The following CDH2 variants were observed in gnomAD, a reference collection of about 807,000 sequenced individuals.
CDH2 encodes cadherin-2.
A neutral mutation model predicts 92.0 loss-of-function variants in CDH2; 17 were observed. The ratio of observed to expected loss-of-function variants is 0.18; its 90% CI spans 0.13 to 0.28. The LOEUF is 0.28. Ranked by LOEUF, CDH2 falls within the 10% of genes least tolerant of loss-of-function variation. The pLI is 1.00. For missense variants in CDH2, 862 were observed against 1,133.1 expected (o/e 0.76, Z 3.44); for synonymous variants, 419 against 415.9 (o/e 1.01, Z -0.09).
rs10540750 is a variant in CDH2 at position 28,165,709 on chromosome 18, CTTT to C, written c.60+11251_60+11253del. On this transcript the variant is annotated intron_variant, in intron 1 of 15. Transcript: ENST00000269141. ...CAAATCTGGCTTCAGAGTCCCCAAT[CTTT>C]TTTTTTTTTTCTTTTTTCTTTTTTT... Among the ~76,000 whole-genome samples the C allele has an allele frequency of 2.4e-3, 352 of 144,558 alleles. 3 individuals are homozygous for C. The highest frequency in any genetic ancestry group is 8.4e-3 in the African/African-American group (335 of 39,990). The allele number at this position is 144,558 out of a possible 152,430, so 94.8% of individuals were successfully genotyped here.
chr18:27,965,854 G>A (rs1040107474), intron 14 of CDH2, among the ~76,000 whole-genome samples: 1 of 151,798 alleles, frequency 6.6e-6, no homozygotes, highest in Non-Finnish European at 1.5e-5. Flanking sequence ...TGTGGTGGTG[G>A]GCGCCTGTAG....
intron 2 of CDH2, among the ~76,000 whole-genome samples, chr18:28,016,270 G>A (rs1345697136): frequency 6.6e-6 from 1 of 152,180 alleles, no homozygotes; most frequent in East Asian, 1.9e-4. Context: ...TTGGCTTCAT[G>A]AGAGTTAAGT....
At chr18:28,137,873 G>A (rs1277038534) in intron 2 of CDH2, among the ~76,000 whole-genome samples, 1 of 152,048 alleles carries the variant, frequency 6.6e-6, no homozygotes, top group Non-Finnish European at 1.5e-5. Flanking sequence ...TCATATATCT[G>A]CAGTAGGCCT....
intron 4 of CDH2, among the ~76,000 whole-genome samples, chr18:28,010,816 T>C (rs1287341377): frequency 6.6e-6 from 1 of 151,774 alleles, no homozygotes; most frequent in Non-Finnish European, 1.5e-5. Flanking sequence ...CGCCCAGCTA[T>C]TTTTTTCTGT....
intron 5 of CDH2, among the ~76,000 whole-genome samples, chr18:28,007,358 T>C (rs1322987110): frequency 6.6e-6 from 1 of 151,768 alleles, no homozygotes; most frequent in Non-Finnish European, 1.5e-5. Context: ...ATTTCATTCT[T>C]TCCAATGGCT....
intron 2 of CDH2, among the ~76,000 whole-genome samples, chr18:28,105,414 A>G (rs1292216153): frequency 3.3e-5 from 5 of 152,204 alleles, no homozygotes; most frequent in South Asian, 4.1e-4. Context: ...TAGGGATCAC[A>G]TGCCAATCAA....
chr18:27,995,601 C>T (rs2012557403), intron 7 of CDH2, among the ~76,000 whole-genome samples: 4 of 152,294 alleles, frequency 2.6e-5, no homozygotes, highest in East Asian at 1.9e-4. Flanking sequence ...ATAGGTATTA[C>T]ATGAAAGTAT....
intron 2 of CDH2, among the ~76,000 whole-genome samples, chr18:28,120,625 A>G (rs1378035848): frequency 6.6e-6 from 1 of 152,098 alleles, no homozygotes; most frequent in Non-Finnish European, 1.5e-5. Context: ...ATAATAAAGA[A>G]GACAGATGAA....
chr18:27,942,757 CA>C (rs2143836383), intron 6 of CDH2, among the ~76,000 whole-genome samples: 1 of 152,206 alleles, frequency 6.6e-6, no homozygotes, highest in Non-Finnish European at 1.5e-5. Flanking sequence ...GTTCAGCTTA[CA>C]ACTGGAAAAT....
At chr18:28,107,192 T>C (rs1331321521) in intron 2 of CDH2, among the ~76,000 whole-genome samples, 1 of 151,804 alleles carries the variant, frequency 6.6e-6, no homozygotes, top group African/African-American at 2.4e-5. Context: ...TCTTTTCCTT[T>C]ATGAAACAAT....
chr18:28,175,164 G>A (rs1237317304), intron 1 of CDH2, among the ~76,000 whole-genome samples: 1 of 152,286 alleles, frequency 6.6e-6, no homozygotes, highest in East Asian at 1.9e-4. Context: ...AATAAAGGGC[G>A]GTTTTATAAC....
At chr18:28,106,513 T>G (rs2015325629) in intron 2 of CDH2, among the ~76,000 whole-genome samples, 1 of 152,060 alleles carries the variant, frequency 6.6e-6, no homozygotes, top group Admixed American at 6.5e-5. Context: ...GGTTTGTCTT[T>G]ATCATCAAAG....
chr18:28,033,500 T>G (rs963550078), intron 2 of CDH2, among the ~76,000 whole-genome samples: 10 of 152,064 alleles, frequency 6.6e-5, no homozygotes, highest in Non-Finnish European at 1.3e-4. Context: ...TGTATGTGTA[T>G]GTATGTGTGT....
At chr18:28,015,803 A>AT (rs1351668720) in intron 2 of CDH2, among the ~76,000 whole-genome samples, 11 of 152,224 alleles carry the variant, frequency 7.2e-5, no homozygotes, top group African/African-American at 2.6e-4. Context: ...ACCTGCTGTG[A>AT]TTTTCTCCTC....
At chr18:28,054,734 T>C (rs1247282788) in intron 2 of CDH2, among the ~76,000 whole-genome samples, 1 of 152,196 alleles carries the variant, frequency 6.6e-6, no homozygotes, top group Non-Finnish European at 1.5e-5. Context: ...AAATTAGCAC[T>C]CTGTTTGTTT....
intron 1 of CDH2, 22 bp downstream of exon 1, chr18:28,176,941 G>A: frequency 2.3e-6 from 3 of 1,283,374 alleles, no homozygotes; most frequent in Non-Finnish European, 9.9e-7. Context: ...CCGTGGCCCG[G>A]CCCGCGGGGA....
intron 2 of CDH2, among the ~76,000 whole-genome samples, chr18:28,067,128 T>C (rs1400864676): frequency 2.6e-5 from 4 of 152,194 alleles, no homozygotes; most frequent in Non-Finnish European, 4.4e-5. Context: ...TGCATGCTCA[T>C]ATAGATTATG....
intron 2 of CDH2, among the ~76,000 whole-genome samples, chr18:28,064,950 TG>T (rs1347315017): frequency 1.3e-5 from 2 of 152,112 alleles, no homozygotes; most frequent in African/African-American, 4.8e-5. Context: ...ATGATAAGCC[TG>T]CCTCTCTCAG....
chr18:27,968,179 C>T (rs1003747534), intron 14 of CDH2, among the ~76,000 whole-genome samples: 3 of 152,170 alleles, frequency 2.0e-5, no homozygotes, highest in African/African-American at 7.2e-5. Flanking sequence ...TGCATTAATA[C>T]AAACAAAAAC....
Sources: gnomAD v4.1 joint callset for allele counts (sites outside exome capture counted in the v4.1 genomes callset) on GRCh38, gnomAD v4.1.1 for gene constraint, MANE v1.5 for transcripts, NCBI Gene and HGNC (gene_info 2026-07-23, HGNC 2026-07-21) for gene names.